PNPLA1: variants seen among roughly 807,000 people sequenced by gnomAD.
The protein encoded by PNPLA1 is omega-hydroxyceramide transacylase.
PNPLA1 carries 36 observed loss-of-function variants against 51.7 expected under a neutral mutation model. That is an observed-to-expected ratio of 0.70 (90% CI 0.53 to 0.92). The LOEUF (loss-of-function observed/expected upper bound fraction) is 0.92. PNPLA1 is among the 40% of genes least tolerant of loss of function. The probability of loss-of-function intolerance (pLI) is 0.00; values close to 1 mark genes in which losing one functional copy is unlikely to be tolerated. For missense variants in PNPLA1, 658 were observed against 682.5 expected (o/e 0.96, Z 0.40); for synonymous variants, 293 against 280.1 (o/e 1.05, Z -0.46).
At chr6:36,285,947 T>C (rs1190225687) in intron 1 of PNPLA1, among the ~76,000 whole-genome samples, 3 of 152,184 alleles carry the variant, frequency 2.0e-5, no homozygotes, top group African/African-American at 7.2e-5. Context: ...CAAGCTCGTA[T>C]TTTGCTCTTT....
At chr6:36,302,889 G>A (rs1771111569) in intron 6 of PNPLA1, among the ~76,000 whole-genome samples, 1 of 152,096 alleles carries the variant, frequency 6.6e-6, no homozygotes, top group Admixed American at 6.5e-5. Context: ...GCTGTGCTGG[G>A]CGTGCTACTC....
At chr6:36,305,454 T>C (rs1001443081) in intron 6 of PNPLA1, among the ~76,000 whole-genome samples, 21 of 152,174 alleles carry the variant, frequency 1.4e-4, no homozygotes, top group Non-Finnish European at 2.5e-4. Context: ...ACAACAAGTC[T>C]CTAACAAAAT....
At chr6:36,305,033 G>C (rs978796612) in intron 6 of PNPLA1, among the ~76,000 whole-genome samples, 2 of 152,178 alleles carry the variant, frequency 1.3e-5, no homozygotes, top group Non-Finnish European at 2.9e-5. Flanking sequence ...ATAGCTTACA[G>C]CTGAGCCTCA....
At chr6:36,252,935 C>G (rs1482069725) in intron 1 of PNPLA1, among the ~76,000 whole-genome samples, 1 of 152,130 alleles carries the variant, frequency 6.6e-6, no homozygotes, top group African/African-American at 2.4e-5. Context: ...AATTCCAGCA[C>G]TTTTGGCGGC....
rs1433325206 is a variant in PNPLA1 at position 36,293,060 on chromosome 6, G to A, written c.439-1G>A. On this transcript the variant is annotated splice_acceptor_variant, in intron 2 of 8. Transcript: ENST00000636260. LOFTEE classifies it high-confidence loss of function. ...ATCTCAGCCCTGTTCTCTCCGCACA[G>A]GCCCTATACTGCAGCTGCTTCGTCC... 1 of 1,613,844 alleles carries A rather than the reference G, an allele frequency of 6.2e-7. No individual in the cohort carries two copies.
chr6:36,289,391 T>C (rs978815696), intron 1 of PNPLA1, among the ~76,000 whole-genome samples: 40 of 152,194 alleles, frequency 2.6e-4, no homozygotes, highest in Non-Finnish European at 3.1e-4. Flanking sequence ...GGTATCCAAA[T>C]GAGCAGTTGC....
intron 8 of PNPLA1, 181 bp downstream of exon 8, chr6:36,307,893 C>A: frequency 1.4e-6 from 1 of 707,622 alleles, no homozygotes; most frequent in Non-Finnish European, 2.1e-6. Context: ...ACTCAGGGAT[C>A]ATGGTTGGGA....
chr6:36,265,410 C>T (rs560938261), upstream of PNPLA1, among the ~76,000 whole-genome samples: 163 of 152,288 alleles, frequency 1.1e-3, no homozygotes, highest in African/African-American at 3.7e-3. Flanking sequence ...AAAAAATCTA[C>T]TTCTTGGCTT....
At chr6:36,260,440 T>C (rs1223365527) in intron 1 of PNPLA1, among the ~76,000 whole-genome samples, 1 of 152,252 alleles carries the variant, frequency 6.6e-6, no homozygotes, top group East Asian at 1.9e-4. Context: ...TACTTTGCTA[T>C]GTATAAGAAA....
Position 36,282,044 on chromosome 6 carries a change from G to GGAAACAGAGAAAGAAA in PNPLA1, c.206-9272_206-9271insCAGAGAAAGAAAGAAA, listed in dbSNP as rs779456419. 7.5e-4 allele frequency among the ~76,000 whole-genome samples: 26 copies of GGAAACAGAGAAAGAAA among 34,548 alleles called. 1 individual carries two copies. Among genetic ancestry groups the GGAAACAGAGAAAGAAA allele is most frequent in the Middle Eastern group, 0.019 (1 of 52 alleles). 22.7% of individuals were successfully genotyped at this position (34,548 alleles called of 152,430 possible). A position where few individuals can be genotyped will look rare whatever the true frequency, so the allele number is the denominator to read the frequency against. On this transcript the variant is annotated intron_variant, in intron 1 of 8. Transcript: ENST00000636260. ...GTGAAAGAGAGAAAGAAAGAAAGAA[G>GGAAACAGAGAAAGAAA]GAAAGAAAGAAAGAAAGAAAGAAAG...
chr6:36,301,756 T>G lies in PNPLA1; in HGVS notation c.776-105T>G. The G allele has an allele frequency of 7.1e-6, 10 of 1,414,340 alleles. No individual in the cohort carries two copies. In the South Asian group the frequency reaches 1.4e-4, roughly 19 times the overall value. The allele number at this position is 1,414,340 out of a possible 1,614,324, so 87.6% of individuals were successfully genotyped here. On this transcript the variant is annotated intron_variant, in intron 5 of 8. Coordinates refer to ENST00000636260, the MANE Select transcript of PNPLA1 (RefSeq NM_001374623.1). Reference sequence around the variant, plus strand: ...ATTCAAGTAAGTACAGAAAGACCTTTGAAAAGCACTGTTCCTGTTTAGGAA... The same window carrying G: ...ATTCAAGTAAGTACAGAAAGACCTTGGAAAAGCACTGTTCCTGTTTAGGAA...
chr6:36,271,834 G>A (rs763715374), intron 1 of PNPLA1, among the ~76,000 whole-genome samples: 4 of 152,246 alleles, frequency 2.6e-5, no homozygotes, highest in Non-Finnish European at 5.9e-5. Context: ...GTGACAGCAA[G>A]TGGGGAGGGG....
intron 1 of PNPLA1, among the ~76,000 whole-genome samples, chr6:36,261,711 C>T (rs114592113): frequency 0.016 from 2,490 of 152,288 alleles, 29 homozygotes; most frequent in Non-Finnish European, 0.023. Flanking sequence ...CCCTAGGAGG[C>T]AAGTTTGATT....
chr6:36,251,505 G>A (rs914700151), intron 1 of PNPLA1, among the ~76,000 whole-genome samples: 4 of 152,324 alleles, frequency 2.6e-5, no homozygotes, highest in Non-Finnish European at 5.9e-5. Flanking sequence ...AATGATGCAT[G>A]TCAAGTTCAG....
intron 1 of PNPLA1, among the ~76,000 whole-genome samples, chr6:36,245,002 G>C (rs755518497): frequency 9.9e-5 from 15 of 152,256 alleles, no homozygotes; most frequent in Non-Finnish European, 2.1e-4. Context: ...TCAATACATG[G>C]AAACTGTGCA....
At chr6:36,308,468 C>T (rs1018458709) in intron 8 of PNPLA1, 1 of 152,148 alleles carries the variant, frequency 6.6e-6, no homozygotes, top group African/African-American at 2.4e-5. Flanking sequence ...TCAATGTAGG[C>T]CTGCTTCTTA....
At chr6:36,264,593 T>C (rs1266815677) in intron 1 of PNPLA1, among the ~76,000 whole-genome samples, 1 of 152,118 alleles carries the variant, frequency 6.6e-6, no homozygotes, top group Non-Finnish European at 1.5e-5. Context: ...TGAAAGGTGA[T>C]ATTGATTAGG....
At chr6:36,310,461 C>T (rs565317813) in intron 8 of PNPLA1, among the ~76,000 whole-genome samples, 65 of 152,222 alleles carry the variant, frequency 4.3e-4, no homozygotes, top group Non-Finnish European at 8.4e-4. Flanking sequence ...ATCCTGCCCC[C>T]AAATCCTCCA....
At chr6:36,308,471 G>T (rs1771311010) in intron 8 of PNPLA1, 1 of 152,178 alleles carries the variant, frequency 6.6e-6, no homozygotes, top group Non-Finnish European at 1.5e-5. Flanking sequence ...ATGTAGGCCT[G>T]CTTCTTATAG....
Sources: gnomAD v4.1 joint callset for allele counts (sites outside exome capture counted in the v4.1 genomes callset) on GRCh38, gnomAD v4.1.1 for gene constraint, MANE v1.5 for transcripts, NCBI Gene and HGNC (gene_info 2026-07-23, HGNC 2026-07-21) for gene names.